The following MAF variants were observed in gnomAD, a reference collection of about 807,000 sequenced individuals.
MAF encodes transcription factor Maf.
In MAF, 10 loss-of-function variants were observed where a neutral mutation model predicts 22.0. The observed-to-expected ratio is 0.45, with a 90% CI of 0.28 to 0.77. MAF has a LOEUF of 0.77. Ranked by LOEUF, MAF falls within the 30% of genes least tolerant of loss-of-function variation. The probability of loss-of-function intolerance (pLI) is 0.12; values close to 1 mark genes in which losing one functional copy is unlikely to be tolerated. For missense variants in MAF, 544 were observed against 548.4 expected (o/e 0.99, Z 0.08); for synonymous variants, 337 against 255.8 (o/e 1.32, Z -3.03).
chr16:79,364,101 G>C, the MAF span, among the ~76,000 whole-genome samples: 5 of 152,188 alleles, frequency 3.3e-5, no homozygotes, highest in African/African-American at 1.2e-4. Flanking sequence ...GATAAGGATA[G>C]GAAATTTGGT....
At chr16:79,531,343 T>A in the MAF span, among the ~76,000 whole-genome samples, 1 of 152,176 alleles carries the variant, frequency 6.6e-6, no homozygotes, top group Non-Finnish European at 1.5e-5. Flanking sequence ...CCCCATCCTT[T>A]CTAACACCAG....
chr16:79,504,247 T>G, the MAF span, among the ~76,000 whole-genome samples: 2 of 152,204 alleles, frequency 1.3e-5, no homozygotes, highest in African/African-American at 4.8e-5. Flanking sequence ...AAATGCCTAA[T>G]AGGAGTCATC....
the MAF span, among the ~76,000 whole-genome samples, chr16:79,341,586 G>C: frequency 6.6e-6 from 1 of 152,184 alleles, no homozygotes; most frequent in African/African-American, 2.4e-5. Flanking sequence ...TGACTATATA[G>C]TTCAGCATTT....
At chr16:79,310,422 A>G in the MAF span, among the ~76,000 whole-genome samples, 10 of 152,166 alleles carry the variant, frequency 6.6e-5, no homozygotes, top group Non-Finnish European at 8.8e-5. Flanking sequence ...AATCAGCTGG[A>G]AAAGCCTCTT....
At chr16:79,293,687 G>C in the MAF span, among the ~76,000 whole-genome samples, 1 of 152,190 alleles carries the variant, frequency 6.6e-6, no homozygotes, top group African/African-American at 2.4e-5. Context: ...CATTAGTCTT[G>C]GTTGGTGTTC....
At chr16:79,510,910 G>A in the MAF span, among the ~76,000 whole-genome samples, 721 of 152,288 alleles carry the variant, frequency 4.7e-3, 4 homozygotes, top group Middle Eastern at 0.027. Context: ...GGATTCTTTT[G>A]AATTTTAAGT....
chr16:79,478,626 C>A, the MAF span, among the ~76,000 whole-genome samples: 1 of 152,160 alleles, frequency 6.6e-6, no homozygotes. Context: ...TGTACTATCC[C>A]CGTGTGTCAT....
the MAF span, among the ~76,000 whole-genome samples, chr16:79,350,290 GCAATAGGC>G: frequency 1.3e-5 from 2 of 152,164 alleles, no homozygotes; most frequent in Non-Finnish European, 2.9e-5. Context: ...TGCCAAATCA[GCAATAGGC>G]CTTGGAGTTA....
the MAF span, among the ~76,000 whole-genome samples, chr16:79,366,957 C>A: frequency 5.9e-5 from 9 of 152,136 alleles, no homozygotes; most frequent in East Asian, 1.9e-4. Context: ...TAGCAAGTGC[C>A]CCATCTGTAA....
the MAF span, among the ~76,000 whole-genome samples, chr16:79,286,579 CTTCT>C: frequency 6.6e-6 from 1 of 152,134 alleles, no homozygotes; most frequent in Non-Finnish European, 1.5e-5. Flanking sequence ...AACAATAATA[CTTCT>C]TTCACTCACT....
At chr16:79,367,956 G>C in the MAF span, among the ~76,000 whole-genome samples, 1 of 152,196 alleles carries the variant, frequency 6.6e-6, no homozygotes, top group Non-Finnish European at 1.5e-5. Flanking sequence ...CCAGACACTA[G>C]ACCAGACCAA....
At chr16:79,248,311 T>A in the MAF span, among the ~76,000 whole-genome samples, 18,631 of 152,206 alleles carry the variant, frequency 0.12, 1,373 homozygotes, top group Middle Eastern at 0.18. Flanking sequence ...TCTTCGTTGC[T>A]GTCTTACTAA....
chr16:79,523,570 T>G, the MAF span, among the ~76,000 whole-genome samples: 1 of 152,194 alleles, frequency 6.6e-6, no homozygotes, highest in African/African-American at 2.4e-5. Flanking sequence ...AAATGAGAGA[T>G]GCTGGCTGCC....
chr16:79,282,122 G>A, the MAF span, among the ~76,000 whole-genome samples: 1 of 151,954 alleles, frequency 6.6e-6, no homozygotes, highest in Non-Finnish European at 1.5e-5. Context: ...ACAAGATGGT[G>A]AAACCCCGTC....
the MAF span, among the ~76,000 whole-genome samples, chr16:79,386,666 G>T: frequency 6.6e-6 from 1 of 152,088 alleles, no homozygotes; most frequent in Non-Finnish European, 1.5e-5. Context: ...ATCGCAGATT[G>T]TAAAGCATGA....
the MAF span, among the ~76,000 whole-genome samples, chr16:79,314,021 G>A: frequency 6.6e-6 from 1 of 152,310 alleles, no homozygotes; most frequent in East Asian, 1.9e-4. Context: ...TGGTGGACTG[G>A]TGACTACTTG....
the MAF span, among the ~76,000 whole-genome samples, chr16:79,442,561 T>G: frequency 6.6e-6 from 1 of 152,062 alleles, no homozygotes; most frequent in Admixed American, 6.5e-5. Context: ...TAAATTTTAG[T>G]GACAGGGTCT....
the MAF span, among the ~76,000 whole-genome samples, chr16:79,219,088 C>G: frequency 6.6e-6 from 1 of 152,186 alleles, no homozygotes; most frequent in African/African-American, 2.4e-5. Context: ...CAAGGCCATG[C>G]CCTGCTGCAT....
chr16:79,367,251 G>A, the MAF span, among the ~76,000 whole-genome samples: 1 of 152,176 alleles, frequency 6.6e-6, no homozygotes, highest in African/African-American at 2.4e-5. Flanking sequence ...GAGGAAGTTA[G>A]CTCTCTCAGC....
Sources: allele counts gnomAD v4.1 joint callset (sites outside exome capture counted in the v4.1 genomes callset), GRCh38; gene constraint gnomAD v4.1.1; transcripts MANE v1.5; gene names NCBI Gene and HGNC (gene_info 2026-07-23, HGNC 2026-07-21).